Variants in HHIPL1 observed in about 807,000 individuals in gnomAD.
HHIPL1 encodes the protein HHIP-like protein 1.
A neutral mutation model predicts 61.8 loss-of-function variants in HHIPL1; 43 were observed. The observed-to-expected ratio is 0.70, with a 90% CI of 0.55 to 0.90. The LOEUF (loss-of-function observed/expected upper bound fraction) is 0.90, where lower values mean the gene tolerates loss of function less well. Ranked by LOEUF, HHIPL1 falls within the 40% of genes least tolerant of loss-of-function variation. The pLI, the probability that HHIPL1 is intolerant of heterozygous loss-of-function variation, is 0.00. For synonymous variants in HHIPL1, 482 were observed against 515.8 expected (o/e 0.93, Z 0.89); for missense variants, 1,056 against 1,157.7 (o/e 0.91, Z 1.28).
the HHIPL1 span, among the ~76,000 whole-genome samples, chr14:99,637,427 C>G: frequency 6.6e-6 from 1 of 152,024 alleles, no homozygotes; most frequent in South Asian, 2.1e-4. Context: ...ACATAATCAG[C>G]TGGGCGTGAT....
chr14:99,664,464 G>A (rs549146401), intron 6 of HHIPL1, among the ~76,000 whole-genome samples: 1 of 151,896 alleles, frequency 6.6e-6, no homozygotes, highest in Non-Finnish European at 1.5e-5. Context: ...TTCCCAAAAG[G>A]CTGTTCCTCA....
chr14:99,642,275 AT>A (rs933983624), upstream of HHIPL1, among the ~76,000 whole-genome samples: 3 of 151,754 alleles, frequency 2.0e-5, no homozygotes, highest in Admixed American at 6.5e-5. Flanking sequence ...TTCTTCTGCC[AT>A]TTTTTTCCCC....
chr14:99,664,413 G>T (rs952636253), intron 6 of HHIPL1, among the ~76,000 whole-genome samples: 19 of 152,280 alleles, frequency 1.2e-4, no homozygotes, highest in African/African-American at 4.6e-4. Flanking sequence ...AAGCAGGGGT[G>T]CCCCTCCCTC....
chr14:99,633,810 C>T, the HHIPL1 span, among the ~76,000 whole-genome samples: 3 of 152,290 alleles, frequency 2.0e-5, no homozygotes, highest in Non-Finnish European at 4.4e-5. Flanking sequence ...CTCTGATGTC[C>T]AGGTGCTAGG....
rs1198627686 is a variant in HHIPL1 at position 99,657,044 on chromosome 14, G to C, written c.947G>C (p.Gly316Ala). Residue 316 changes from glycine (G) to alanine (A), a missense_variant, in exon 3 of 9, where the codon GGC becomes GCC. Transcript: ENST00000330710. ...VKEPASNHNGGQLLFGDDGYL... is the reference protein window; with the variant it reads ...VKEPASNHNGAQLLFGDDGYL... ...GAACCAGCCTCAAACCACAACGGGGGCCAGCTGCTTTTCGGGGATGACGGG... is the reference window on the plus strand; with the variant it reads ...GAACCAGCCTCAAACCACAACGGGGCCCAGCTGCTTTTCGGGGATGACGGG... 1.2e-5 allele frequency: 20 copies of C among 1,613,520 alleles called. No homozygotes were observed. Among genetic ancestry groups the C allele is most frequent in the Non-Finnish European group, 1.7e-5 (20 of 1,179,794 alleles).
chr14:99,659,464 G>A lies in HHIPL1; in HGVS notation c.1083G>A (p.Val361=), dbSNP rs1332832123. 6.6e-7 allele frequency: 1 copy of A among 1,524,244 alleles called. No homozygotes were observed. Among genetic ancestry groups the A allele is most frequent in the South Asian group, 1.2e-5 (1 of 81,978 alleles). The allele number at this position is 1,524,244 out of a possible 1,614,324, so 94.4% of individuals were successfully genotyped here. The part of the protein sequence containing the change: ...ALLGKVLRID[V]DRKERGLPYG... ...TGGGCAAGGTGCTGCGCATCGACGT[G>A]GACCGTAAGGAGCGCGGCCTGCCCT... The change falls in exon 4 of 9, where the codon GTG becomes GTA. Residue 361 remains valine, a synonymous_variant. Transcript: ENST00000330710.
upstream of HHIPL1, among the ~76,000 whole-genome samples, chr14:99,641,218 C>T (rs115251114): frequency 4.0e-3 from 615 of 151,976 alleles, 1 homozygote; most frequent in African/African-American, 0.012. Flanking sequence ...TTTTTGTTTT[C>T]GTAGGGCAGA....
chr14:99,668,691 T>A lies in HHIPL1; in HGVS notation c.1730+388T>A. ...CCCACACCCCAGCCCCCAATTTGCC[T>A]CTGTGATGCCTCCCAGATGACACCC... On this transcript the variant is annotated intron_variant, in intron 7 of 8. Coordinates refer to ENST00000330710, the MANE Select transcript of HHIPL1 (RefSeq NM_001127258.3). The surrounding 1 kb of genome is among the most constrained non-coding windows in gnomAD (Gnocchi z 4.7). 2.6e-6 allele frequency: 1 copy of A among 387,722 alleles called. No homozygotes were observed. The highest frequency in any genetic ancestry group is 4.6e-6 in the Non-Finnish European group (1 of 218,176). 24.0% of individuals were successfully genotyped at this position (387,722 alleles called of 1,614,324 possible).
chr14:99,614,340 C>G, the HHIPL1 span, among the ~76,000 whole-genome samples: 59 of 152,188 alleles, frequency 3.9e-4, no homozygotes, highest in African/African-American at 1.3e-3. Flanking sequence ...CCAGCTCAGC[C>G]CCAACACCAG....
At chr14:99,657,439 C>T (rs1165933617) in intron 3 of HHIPL1, among the ~76,000 whole-genome samples, 3 of 152,162 alleles carry the variant, frequency 2.0e-5, no homozygotes, top group Non-Finnish European at 4.4e-5. Context: ...GGTGCATTAG[C>T]GAGCCTCAGG....
the HHIPL1 span, among the ~76,000 whole-genome samples, chr14:99,615,673 AAG>A: frequency 6.6e-6 from 1 of 151,816 alleles, no homozygotes; most frequent in Non-Finnish European, 1.5e-5. Flanking sequence ...AAGAAAAAGA[AAG>A]AAGGAAGGAA....
At chr14:99,612,706 C>T in the HHIPL1 span, among the ~76,000 whole-genome samples, 1 of 152,120 alleles carries the variant, frequency 6.6e-6, no homozygotes, top group African/African-American at 2.4e-5. Flanking sequence ...GTTTCTGTCT[C>T]CTCCCCAGTG....
At chr14:99,647,004 G>A (rs2055852344) in intron 1 of HHIPL1, among the ~76,000 whole-genome samples, 1 of 152,144 alleles carries the variant, frequency 6.6e-6, no homozygotes, top group Non-Finnish European at 1.5e-5. Context: ...CTCACTGGCT[G>A]CCCAGCCCTG....
chr14:99,637,200 GGAAGAAAGAAAGAAAGAAAGAAAGAAAGA>G, the HHIPL1 span, among the ~76,000 whole-genome samples: 3 of 104,210 alleles, frequency 2.9e-5, no homozygotes, highest in Non-Finnish European at 5.9e-5. Context: ...AAGAAAGAAA[GGAAGAAAGAAAGAAAGAAAGAAAGAAAGA>G]AAGAAAGAAA....
chr14:99,612,774 C>T, the HHIPL1 span, among the ~76,000 whole-genome samples: 4 of 152,116 alleles, frequency 2.6e-5, no homozygotes, highest in Non-Finnish European at 2.9e-5. Context: ...GCCTGGCCCC[C>T]GGGTTGCCCT....
the HHIPL1 span, chr14:99,624,709 C>G: frequency 4.7e-4 from 71 of 152,498 alleles, no homozygotes; most frequent in African/African-American, 1.7e-3. Flanking sequence ...CGCCTTCTGC[C>G]TCCTCCCCGC....
chr14:99,639,984 T>C, the HHIPL1 span, among the ~76,000 whole-genome samples: 1 of 152,236 alleles, frequency 6.6e-6, no homozygotes, highest in Non-Finnish European at 1.5e-5. Context: ...TAATTCACTC[T>C]GACAATCTAT....
At chr14:99,674,385 G>C (rs531812489) in intron 8 of HHIPL1, among the ~76,000 whole-genome samples, 6 of 152,186 alleles carry the variant, frequency 3.9e-5, no homozygotes, top group African/African-American at 1.4e-4. Flanking sequence ...GAAATCACCT[G>C]CCTCAGCTCC....
chr14:99,645,020 C>T, upstream of HHIPL1: 1 of 444,532 alleles, frequency 2.2e-6, no homozygotes, highest in Non-Finnish European at 3.7e-6. Context: ...CATTCTGCGC[C>T]GCGTCCCTCT....
Sources: allele counts gnomAD v4.1 joint callset (sites outside exome capture counted in the v4.1 genomes callset), GRCh38; gene constraint gnomAD v4.1.1; non-coding constraint Gnocchi (gnomAD v3.1); transcripts MANE v1.5; gene names NCBI Gene and HGNC (gene_info 2026-07-23, HGNC 2026-07-21).